Variants in TMC5 observed in about 807,000 individuals in gnomAD.
The protein encoded by TMC5 is transmembrane channel-like protein 5.
TMC5 carries 86 observed loss-of-function variants against 110.5 expected under a neutral mutation model. That is an observed-to-expected ratio of 0.78 (90% CI 0.65 to 0.93). The LOEUF is 0.93. Ranked by LOEUF, TMC5 falls within the 40% of genes least tolerant of loss-of-function variation. The pLI, the probability that TMC5 is intolerant of heterozygous loss-of-function variation, is 0.00. For synonymous variants in TMC5, 455 were observed against 439.5 expected (o/e 1.04, Z -0.44); for missense variants, 1,144 against 1,222.8 (o/e 0.94, Z 0.96).
At position 19,440,548 on chromosome 16, in the gene TMC5, T is replaced by C; in HGVS notation, c.510T>C (p.Ser170=). ...EPDYPGAQSN[S]DHPGPRANLN... is the part of the protein sequence containing the mutation. ...ACTACCCTGGAGCTCAGAGCAACTC[T>C]GATCATCCTGGACCCAGAGCCAATT... is the stretch of plus-strand genomic sequence containing the variant. The change falls in exon 3 of 22, where the codon TCT becomes TCC. Residue 170 remains serine (S), a synonymous_variant. Coordinates refer to ENST00000542583, the MANE Select transcript of TMC5 (RefSeq NM_001261841.2). The C allele has an allele frequency of 6.2e-7, 1 of 1,614,206 alleles. No homozygotes were observed. The highest frequency in any genetic ancestry group is 8.5e-7 in the Non-Finnish European group (1 of 1,180,038).
intron 4 of TMC5, among the ~76,000 whole-genome samples, chr16:19,447,550 A>G (rs974984009): frequency 6.6e-6 from 1 of 152,142 alleles, no homozygotes; most frequent in Non-Finnish European, 1.5e-5. Context: ...CAATTCCCAC[A>G]ACAATCCTAT....
upstream of TMC5, among the ~76,000 whole-genome samples, chr16:19,415,098 C>A (rs549341741): frequency 7.0e-4 from 107 of 152,344 alleles, no homozygotes; most frequent in Non-Finnish European, 1.2e-3. Context: ...CAGTTTCTCA[C>A]TCTGGAAGCA....
intron 11 of TMC5, among the ~76,000 whole-genome samples, chr16:19,473,407 C>CGCCAA (rs1968400664): frequency 7.0e-6 from 1 of 143,190 alleles, no homozygotes; most frequent in South Asian, 2.2e-4. Context: ...AGCAGAGACA[C>CGCCAA]GCCAACCCCC....
At chr16:19,418,723 TTG>T (rs1966911933) in intron 1 of TMC5, among the ~76,000 whole-genome samples, 1 of 116,250 alleles carries the variant, frequency 8.6e-6, no homozygotes, top group African/African-American at 3.7e-5. Context: ...TAAGTGATTT[TTG>T]TGTTTTTTTT....
chr16:19,438,941 G>C (rs1967418386), intron 2 of TMC5, among the ~76,000 whole-genome samples: 2 of 152,184 alleles, frequency 1.3e-5, no homozygotes, highest in Admixed American at 1.3e-4. Context: ...GGTCAAAGAA[G>C]ATTTATGGAC....
At chr16:19,492,069 C>G (rs1968921462) in intron 18 of TMC5, 81 bp from the exon 19 acceptor site, 2 of 1,119,886 alleles carry the variant, frequency 1.8e-6, no homozygotes, top group Admixed American at 3.5e-5. Context: ...AGCACAGATT[C>G]CAGTTCCTTT....
At chr16:19,489,729 T>C (rs1204098695) in intron 17 of TMC5, among the ~76,000 whole-genome samples, 1 of 151,282 alleles carries the variant, frequency 6.6e-6, no homozygotes, top group Non-Finnish European at 1.5e-5. Context: ...AAGAGATCCT[T>C]CTGCCTTGGC....
intron 14 of TMC5, among the ~76,000 whole-genome samples, chr16:19,479,988 AAAAG>A (rs1421676942): frequency 6.6e-6 from 1 of 152,052 alleles, no homozygotes. Flanking sequence ...AAAGAAGAAA[AAAAG>A]AAATCTTATC....
chr16:19,439,703 A>T lies in TMC5; in HGVS notation c.-79-257A>T, dbSNP rs147079870. 5.0e-3 allele frequency among the ~76,000 whole-genome samples: 756 copies of T among 152,286 alleles called. 5 individuals are homozygous for T. The highest frequency in any genetic ancestry group is 0.017 in the Middle Eastern group (5 of 294). ...CGCATTCCAGCCCAGAGGAAGCAAGATGGAGAAAGGGAGAAATAACCTCTT... is the reference window on the plus strand; with the variant it reads ...CGCATTCCAGCCCAGAGGAAGCAAGTTGGAGAAAGGGAGAAATAACCTCTT... On this transcript the variant is annotated intron_variant, in intron 2 of 21. Coordinates refer to ENST00000542583, the MANE Select transcript of TMC5 (RefSeq NM_001261841.2).
rs1186005329 is a variant in TMC5, at chr16:19,497,442, A to G, written c.2974+279A>G. The stretch of plus-strand genomic sequence containing the variant: ...TAATAAGTGCAAGACAGCTTTATCA[A>G]CTTCTTATATCTTCTCAGAGTCAGT... On this transcript the variant is annotated intron_variant, in intron 21 of 21. Transcript: ENST00000542583. 2.0e-5 allele frequency among the ~76,000 whole-genome samples: 3 copies of G among 152,206 alleles called. No individual in the cohort carries two copies. In the East Asian group the frequency reaches 5.8e-4, roughly 29 times the overall value.
Position 19,440,142 on chromosome 16 carries a change from A to T in TMC5, c.104A>T (p.Tyr35Phe), listed in dbSNP as rs769477220. 2 of 1,614,162 alleles carry T rather than the reference A, an allele frequency of 1.2e-6. No individual in the cohort carries two copies. The highest frequency in any genetic ancestry group is 3.3e-5 in the Admixed American group (2 of 60,004). Residue 35 changes from tyrosine (Y) to phenylalanine (F), a missense_variant, in exon 3 of 22, where the codon TAT becomes TTT. Coordinates refer to ENST00000542583, the MANE Select transcript of TMC5 (RefSeq NM_001261841.2). Reference sequence around the variant, plus strand: ...CAGGGGTATTTGAAAACTCAAGGTTATCCAGATGTTCCAGGTCCTCTGAAC... The same window carrying T: ...CAGGGGTATTTGAAAACTCAAGGTTTTCCAGATGTTCCAGGTCCTCTGAAC... ...RTQGYLKTQG[Y>F]PDVPGPLNNP...
At chr16:19,487,147 C>G (rs201020749) in intron 16 of TMC5, 46 bp from the exon 17 acceptor site, 125 of 1,603,648 alleles carry the variant, frequency 7.8e-5, no homozygotes, top group Admixed American at 4.4e-4. Context: ...GTCCCTCTGC[C>G]GCTGCTCCGG....
chr16:19,429,483 T>A (rs72783397), intron 1 of TMC5, among the ~76,000 whole-genome samples: 8,767 of 152,218 alleles, frequency 0.058, 400 homozygotes, highest in African/African-American at 0.13. Context: ...TAATACACAT[T>A]CCCAGAAAGA....
rs1189469542 is a variant in TMC5 at position 19,446,180 on chromosome 16, A to G, written c.958+1930A>G. ...AGAATATTCCTTTGGGAGCACAGAC[A>G]TCAGATAGCCCAGGGCTATTCCAAA... is the stretch of plus-strand genomic sequence containing the variant. On this transcript the variant is annotated intron_variant, in intron 4 of 21. Coordinates refer to ENST00000542583, the MANE Select transcript of TMC5 (RefSeq NM_001261841.2). Among the ~76,000 whole-genome samples, 3 of 152,260 alleles carry G rather than the reference A, an allele frequency of 2.0e-5. No homozygotes were observed. The East Asian group carries it at 5.8e-4, about 29-fold the overall frequency.
intron 3 of TMC5, among the ~76,000 whole-genome samples, chr16:19,443,368 C>T (rs1260717954): frequency 6.6e-6 from 1 of 152,146 alleles, no homozygotes; most frequent in Non-Finnish European, 1.5e-5. Context: ...TTGGAATGCC[C>T]TCCCTTTATG....
At position 19,466,244 on chromosome 16, in the gene TMC5, A is replaced by G. The variant is rs1224456564; in HGVS notation, c.1637+11A>G. On this transcript the variant is annotated intron_variant, in intron 9 of 21. Coordinates refer to ENST00000542583, the MANE Select transcript of TMC5 (RefSeq NM_001261841.2). Reference sequence around the variant, plus strand: ...CAGTTTGCTGTTCAGGTATGGAAGCATCTACATTTCCTGATTCTGAGGGTC... The same window carrying G: ...CAGTTTGCTGTTCAGGTATGGAAGCGTCTACATTTCCTGATTCTGAGGGTC... 2 of 1,612,102 alleles carry G rather than the reference A, an allele frequency of 1.2e-6. No individual in the cohort carries two copies. Among genetic ancestry groups the G allele is most frequent in the South Asian group, 1.1e-5 (1 of 90,554 alleles).
intron 3 of TMC5, among the ~76,000 whole-genome samples, chr16:19,442,264 C>T (rs1025911229): frequency 2.0e-5 from 3 of 151,876 alleles, no homozygotes; most frequent in African/African-American, 7.3e-5. Flanking sequence ...TTACTTAGTT[C>T]TACCAAATCT....
chr16:19,461,469 GA>G (rs1968020821), intron 6 of TMC5, among the ~76,000 whole-genome samples: 1 of 152,094 alleles, frequency 6.6e-6, no homozygotes, highest in Non-Finnish European at 1.5e-5. Context: ...AGCTACTGGG[GA>G]GGCTGAGACA....
chr16:19,426,306 A>G (rs1012902765), intron 1 of TMC5, among the ~76,000 whole-genome samples: 7 of 152,232 alleles, frequency 4.6e-5, no homozygotes, highest in Non-Finnish European at 2.9e-5. Flanking sequence ...TGCAGGGTGC[A>G]TAAAAGTCAC....
Sources: gnomAD v4.1 joint callset for allele counts (sites outside exome capture counted in the v4.1 genomes callset) on GRCh38, gnomAD v4.1.1 for gene constraint, MANE v1.5 for transcripts, NCBI Gene and HGNC (gene_info 2026-07-23, HGNC 2026-07-21) for gene names.